The following THSD4 variants were observed in gnomAD, a reference collection of about 807,000 sequenced individuals.
THSD4 encodes thrombospondin type 1 domain containing 4.
THSD4 carries 69 observed loss-of-function variants against 119.0 expected under a neutral mutation model. The observed-to-expected ratio is 0.58, with a 90% CI of 0.48 to 0.71. The LOEUF (loss-of-function observed/expected upper bound fraction) is 0.71, where lower values mean the gene tolerates loss of function less well. Among genes scored for constraint, THSD4 ranks in the 30% least tolerant of loss-of-function variants. The probability of loss-of-function intolerance (pLI) is 0.00; values close to 1 mark genes in which losing one functional copy is unlikely to be tolerated. For synonymous variants in THSD4, 524 were observed against 540.4 expected (o/e 0.97, Z 0.42); for missense variants, 1,393 against 1,391.1 (o/e 1.00, Z -0.02).
intron 7 of THSD4, among the ~76,000 whole-genome samples, chr15:71,490,726 C>A (rs2047905815): frequency 6.6e-6 from 1 of 152,104 alleles, no homozygotes; most frequent in African/African-American, 2.4e-5. Context: ...AGGACTCTGT[C>A]TCAAAAAAAT....
chr15:71,120,157 C>T (rs900882752), intron 1 of THSD4, among the ~76,000 whole-genome samples: 2 of 152,162 alleles, frequency 1.3e-5, no homozygotes, highest in South Asian at 2.1e-4. Flanking sequence ...GTATTCAAAC[C>T]CAGCAAATGA....
chr15:71,125,966 G>A (rs970941194), intron 1 of THSD4, among the ~76,000 whole-genome samples: 3 of 152,320 alleles, frequency 2.0e-5, no homozygotes, highest in South Asian at 2.1e-4. Context: ...GGAGGCAGCC[G>A]CTCGCTGTCC....
intron 7 of THSD4, among the ~76,000 whole-genome samples, chr15:71,542,992 T>C (rs1595871300): frequency 6.8e-6 from 1 of 147,364 alleles, no homozygotes; most frequent in South Asian, 2.1e-4. Context: ...TGAGAAATGG[T>C]CACAGACCAG....
intron 1 of THSD4, among the ~76,000 whole-genome samples, chr15:71,102,359 A>T (rs1468842475): frequency 2.0e-5 from 3 of 152,106 alleles, no homozygotes; most frequent in Non-Finnish European, 4.4e-5. Flanking sequence ...GTAATGACAC[A>T]AATATTAAAC....
intron 6 of THSD4, among the ~76,000 whole-genome samples, chr15:71,331,422 T>G (rs1008587867): frequency 2.0e-5 from 3 of 152,228 alleles, no homozygotes; most frequent in Admixed American, 2.0e-4. Flanking sequence ...GAGTTATCAG[T>G]CTCAGCTGGC....
At position 71,279,082 on chromosome 15, in the gene THSD4, A is replaced by C. The variant is rs1247768245; in HGVS notation, c.1015+22367A>C. On this transcript the variant is annotated intron_variant, in intron 6 of 17. Coordinates refer to ENST00000261862, the MANE Select transcript of THSD4 (RefSeq NM_024817.3). ...GGTTTGAGGAAACTTTGAGTACATC[A>C]GTAACTATTATGAGATGTTCTGCTG... Among the ~76,000 whole-genome samples, 8 of 152,184 alleles carry C rather than the reference A, an allele frequency of 5.3e-5. No individual in the cohort carries two copies. In the South Asian group the frequency reaches 1.5e-3, roughly 28 times the overall value.
chr15:71,712,256 C>T (rs192669196), intron 8 of THSD4, among the ~76,000 whole-genome samples: 1 of 152,270 alleles, frequency 6.6e-6, no homozygotes, highest in African/African-American at 2.4e-5. Flanking sequence ...TGAAACAACA[C>T]ACTTCTAAAC....
chr15:71,173,995 G>A (rs1044093220), intron 3 of THSD4, among the ~76,000 whole-genome samples: 3 of 152,172 alleles, frequency 2.0e-5, no homozygotes, highest in African/African-American at 7.2e-5. Flanking sequence ...AGAAGAAAAT[G>A]TAGAGCAAAA....
Position 71,779,960 on chromosome 15 carries a change from A to G in THSD4, c.*2586A>G, listed in dbSNP as rs2053973289. ...TTTGATCAATTTATTTGTCTTAGAG[A>G]TCCAATTTTTACTAATTCCCTAGTT... On this transcript the variant is annotated 3_prime_UTR_variant, in exon 18 of 18. Transcript: ENST00000261862. 1 of 151,698 alleles carries G rather than the reference A, an allele frequency of 6.6e-6. No homozygotes were observed. The highest frequency in any genetic ancestry group is 1.5e-5 in the Non-Finnish European group (1 of 68,000). 9.4% of individuals were successfully genotyped at this position (151,698 alleles called of 1,614,324 possible).
chr15:71,562,744 C>G (rs989884508), intron 7 of THSD4, among the ~76,000 whole-genome samples: 1 of 145,562 alleles, frequency 6.9e-6, no homozygotes, highest in Non-Finnish European at 1.5e-5. Context: ...CTCTTGTTGC[C>G]CAAGCTGGAG....
chr15:71,614,449 G>A (rs1402620454), intron 7 of THSD4, among the ~76,000 whole-genome samples: 1 of 152,096 alleles, frequency 6.6e-6, no homozygotes, highest in East Asian at 1.9e-4. Context: ...CTCCCTGCTA[G>A]TCTCCATCTT....
At chr15:71,475,955 AAG>A (rs2047649461) in intron 7 of THSD4, among the ~76,000 whole-genome samples, 1 of 152,172 alleles carries the variant, frequency 6.6e-6, no homozygotes, top group African/African-American at 2.4e-5. Context: ...TATTTTTTAA[AAG>A]AAGTGGCTAA....
At chr15:71,297,183 A>C (rs188213762) in intron 6 of THSD4, among the ~76,000 whole-genome samples, 1 of 151,478 alleles carries the variant, frequency 6.6e-6, no homozygotes, top group Non-Finnish European at 1.5e-5. Context: ...AGTGGTATTC[A>C]TTGTGGTTCT....
chr15:71,111,516 C>G, upstream of THSD4: 1 of 856,748 alleles, frequency 1.2e-6, no homozygotes, highest in South Asian at 1.8e-5. Flanking sequence ...AAAATAACAG[C>G]AAGTTGACCA....
At chr15:71,146,301 G>A (rs1013293233) in intron 2 of THSD4, among the ~76,000 whole-genome samples, 17 of 152,170 alleles carry the variant, frequency 1.1e-4, no homozygotes, top group South Asian at 2.1e-4. Context: ...ATTATGTGAG[G>A]TTTCCATTTG....
intron 6 of THSD4, among the ~76,000 whole-genome samples, chr15:71,269,111 C>A (rs1350810945): frequency 6.6e-6 from 1 of 152,174 alleles, no homozygotes; most frequent in Admixed American, 6.5e-5. Context: ...AGGCCAGCAT[C>A]ATTCTGATGT....
At chr15:71,562,837 G>T (rs2049151402) in intron 7 of THSD4, among the ~76,000 whole-genome samples, 1 of 151,844 alleles carries the variant, frequency 6.6e-6, no homozygotes. Flanking sequence ...TGAGTAGCTG[G>T]GATTGCAGGC....
intron 1 of THSD4, among the ~76,000 whole-genome samples, chr15:71,123,844 A>G (rs1389577663): frequency 6.6e-6 from 1 of 152,242 alleles, no homozygotes; most frequent in East Asian, 1.9e-4. Flanking sequence ...CTCATAATTC[A>G]GACTTTTCCC....
rs1225475489 is a variant in THSD4, at chr15:71,229,749, G to A, written c.465-12900G>A. ...TCTCTCCTGGCTTTAATTAACTGAA[G>A]GTGACAGACCTGCATCTAAATAACT... On this transcript the variant is annotated intron_variant, in intron 4 of 17. Coordinates refer to ENST00000261862, the MANE Select transcript of THSD4 (RefSeq NM_024817.3). Among the ~76,000 whole-genome samples, 3 of 152,090 alleles carry A rather than the reference G, an allele frequency of 2.0e-5. No homozygotes were observed. In the East Asian group the frequency reaches 5.8e-4, roughly 29 times the overall value.
Sources: gnomAD v4.1 joint callset for allele counts (sites outside exome capture counted in the v4.1 genomes callset) on GRCh38, gnomAD v4.1.1 for gene constraint, MANE v1.5 for transcripts, NCBI Gene and HGNC (gene_info 2026-07-23, HGNC 2026-07-21) for gene names.